The following RHBDF1 variants were observed in gnomAD, a reference collection of about 807,000 sequenced individuals.
RHBDF1 encodes the protein inactive rhomboid protein 1.
A neutral mutation model predicts 98.6 loss-of-function variants in RHBDF1; 80 were observed. The observed-to-expected ratio is 0.81, with a 90% CI of 0.68 to 0.98. The LOEUF (loss-of-function observed/expected upper bound fraction) is 0.98, where lower values mean the gene tolerates loss of function less well. Ranked by LOEUF, RHBDF1 falls within the 50% of genes least tolerant of loss-of-function variation. The probability of loss-of-function intolerance (pLI) is 0.00; values close to 1 mark genes in which losing one functional copy is unlikely to be tolerated. For missense variants in RHBDF1, 1,116 were observed against 1,198.3 expected (o/e 0.93, Z 1.01); for synonymous variants, 512 against 486.8 (o/e 1.05, Z -0.68).
In RHBDF1 at chr16:61,453, G is replaced by A. The variant is rs573506725; in HGVS notation, c.1327C>T (p.Arg443Trp). 4 of 1,612,404 alleles carry A rather than the reference G, an allele frequency of 2.5e-6. No homozygotes were observed. The highest frequency in any genetic ancestry group is 2.2e-5 in the East Asian group (1 of 44,864). The change falls in exon 10 of 18, where the codon CGG becomes TGG. Residue 443 changes from arginine (R) to tryptophan (W), a missense_variant. Transcript: ENST00000262316. The stretch of plus-strand genomic sequence containing the variant: ...ACGTTCTCGTAGACCCCGCGGTTCC[G>A]CAGCACCTGGGAGGTTGGGGAGCGG... ...SQHETVDSVL[R>W]NRGVYENVKY...
Position 61,365 on chromosome 16 carries a change from GC to G in RHBDF1, c.1395+19del. The G allele has an allele frequency of 1.8e-6, 2 of 1,130,830 alleles. No individual in the cohort carries two copies. The highest frequency in any genetic ancestry group is 2.5e-6 in the Non-Finnish European group (2 of 804,712). The allele number at this position is 1,130,830 out of a possible 1,614,324, so 70.0% of individuals were successfully genotyped here. On this transcript the variant is annotated intron_variant, in intron 10 of 17. Transcript: ENST00000262316. The stretch of plus-strand genomic sequence containing the variant: ...TCCAGGTCCCGCCCCCGCCGGCCCC[GC>G]CCCCAGCCCCGTCCTCACCGAGCTG...
chr16:64,963 G>C lies in RHBDF1; in HGVS notation c.53C>G (p.Pro18Arg). The C allele has an allele frequency of 2.4e-5, 38 of 1,566,434 alleles. No individual in the cohort carries two copies. Among genetic ancestry groups the C allele is most frequent in the Non-Finnish European group, 3.2e-5 (37 of 1,152,912 alleles). Residue 18 changes from proline to arginine, a missense_variant, in exon 2 of 18, where the codon CCC becomes CGC. Transcript: ENST00000262316. ...STSSLQRKKP[P>R]WLKLDIPSAV... ...AGAGGGAATGTCCAGCTTTAGCCAGGGTGGCTTCTTGCGCTGCAGGCTGCT... is the reference window on the plus strand; with the variant it reads ...AGAGGGAATGTCCAGCTTTAGCCAGCGTGGCTTCTTGCGCTGCAGGCTGCT...
At chr16:60,951 G>C (rs1024853057) in intron 11 of RHBDF1, 169 bp downstream of exon 11, 1 of 694,492 alleles carries the variant, frequency 1.4e-6, no homozygotes, top group Admixed American at 3.2e-5. Context: ...AGGAGCTGGA[G>C]ATGGGGGAGG....
Position 64,795 on chromosome 16 carries a change from C to G in RHBDF1, c.152G>C (p.Ser51Thr), listed in dbSNP as rs1281763531. 1 of 1,613,970 alleles carries G rather than the reference C, an allele frequency of 6.2e-7. No individual in the cohort carries two copies. Among genetic ancestry groups the G allele is most frequent in the Admixed American group, 1.7e-5 (1 of 59,998 alleles). The change falls in exon 3 of 18, where the codon AGT (serine) becomes ACT (threonine). Residue 51 changes from serine (S) to threonine (T), a missense_variant. Ser to Thr is a moderately conservative substitution (Grantham distance 58). Transcript: ENST00000262316. ...LRRQAFLRSV[S>T]MPAETAHISS... ...GATGTGGGCTGTCTCGGCTGGCATA[C>G]TCACACTCCTCAGGAAAGCCTGTCG...
Position 62,781 on chromosome 16 carries a change from AAAG to A in RHBDF1, c.786_788del (p.Phe263del). 1.9e-6 allele frequency: 3 copies of A among 1,614,072 alleles called. No homozygotes were observed. The highest frequency in any genetic ancestry group is 1.3e-5 in the African/African-American group (1 of 75,056). ...CACCCCGGGCACTTCTTACCCGGGC[AAAG>A]AAGGATGTGTCCAGCTCATCGGGGA... On this transcript the variant is annotated inframe_deletion, in exon 6 of 18. Coordinates refer to ENST00000262316, the MANE Select transcript of RHBDF1 (RefSeq NM_022450.5).
In RHBDF1 at chr16:64,881, C is replaced by G; in HGVS notation, c.117+18G>C. The stretch of plus-strand genomic sequence containing the variant: ...ACTGGACAGGGGGCACCCACAGTCC[C>G]TGCAGGCCAGGGCCTACCTGCAGGA... On this transcript the variant is annotated intron_variant, in intron 2 of 17. Transcript: ENST00000262316. The G allele has an allele frequency of 6.2e-7, 1 of 1,613,752 alleles. No homozygotes were observed. Among genetic ancestry groups the G allele is most frequent in the Admixed American group, 1.7e-5 (1 of 60,006 alleles).
Position 59,301 on chromosome 16 carries a change from C to A in RHBDF1, c.1942G>T (p.Glu648Ter). The A allele has an allele frequency of 6.2e-7, 1 of 1,611,640 alleles. No individual in the cohort carries two copies. The highest frequency in any genetic ancestry group is 8.5e-7 in the Non-Finnish European group (1 of 1,178,772). Residue 648 changes from glutamate (E) to a stop codon, truncating the protein, a stop_gained, in exon 16 of 18, where the codon GAG (glutamate) becomes TAG (stop). Coordinates refer to ENST00000262316, the MANE Select transcript of RHBDF1 (RefSeq NM_022450.5). LOFTEE classifies it high-confidence loss of function. Reference sequence around the variant, plus strand: ...AGGCGGTAGAACTGGTCAGGCACCTCGGGGTTGAGAAAAGGCAGGAGCCCA... The same window carrying A: ...AGGCGGTAGAACTGGTCAGGCACCTAGGGGTTGAGAAAAGGCAGGAGCCCA... ...VCGLLPFLNP[E>*]VPDQFYRLWL...
Position 58,756 on chromosome 16 carries a change from C to A in RHBDF1, c.2152G>T (p.Gly718Cys). ...ATGCCGAACTGGGAGCCAGCAGGAC[C>A]CACCTGGGGGATGGTTGGGGTAGCT... ...AIFLPYRAEV[G>C]PAGSQFGILA... The change falls in exon 18 of 18, where the codon GGT (glycine) becomes TGT (cysteine). Residue 718 changes from glycine (G) to cysteine (C), a missense_variant. Physicochemically the swap from Gly to Cys is radical, Grantham distance 159 (BLOSUM62 -3). Transcript: ENST00000262316. The A allele has an allele frequency of 6.2e-7, 1 of 1,611,892 alleles. No homozygotes were observed. Among genetic ancestry groups the A allele is most frequent in the South Asian group, 1.1e-5 (1 of 90,996 alleles).
At chr16:68,527 A>T (rs1197615939) in intron 1 of RHBDF1, among the ~76,000 whole-genome samples, 1 of 152,168 alleles carries the variant, frequency 6.6e-6, no homozygotes, top group Non-Finnish European at 1.5e-5. Context: ...GTATGGGGAA[A>T]CCGTGGCCCA....
intron 11 of RHBDF1, 24 bp downstream of exon 11, chr16:61,096 G>T: frequency 6.6e-7 from 1 of 1,515,532 alleles, no homozygotes; most frequent in Non-Finnish European, 8.8e-7. Flanking sequence ...GACGAAGGCG[G>T]GAGTCCCGGG....
At chr16:69,906 C>T (rs1385317782) in intron 1 of RHBDF1, among the ~76,000 whole-genome samples, 1 of 151,734 alleles carries the variant, frequency 6.6e-6, no homozygotes, top group African/African-American at 2.4e-5. Context: ...AGGTTCCCTG[C>T]TACAGGCCAT....
intron 1 of RHBDF1, among the ~76,000 whole-genome samples, chr16:68,202 G>A (rs1273077101): frequency 1.3e-5 from 2 of 152,234 alleles, no homozygotes; most frequent in Non-Finnish European, 2.9e-5. Flanking sequence ...GTGCAGGCAG[G>A]AGGGGACCTG....
rs545583467 is a variant in RHBDF1, at chr16:63,512, G to C, written c.462+75C>G. The stretch of plus-strand genomic sequence containing the variant: ...CTCCCAGAGAGTCCCTTCTGCTCAG[G>C]CTGGCTGTGTCCGCAGCCCCAGCCC... On this transcript the variant is annotated intron_variant, in intron 4 of 17. Transcript: ENST00000262316. 1.0e-4 allele frequency: 132 copies of C among 1,279,592 alleles called. No homozygotes were observed. In the African/African-American group the frequency reaches 1.9e-3, roughly 18 times the overall value. The allele number at this position is 1,279,592 out of a possible 1,614,324, so 79.3% of individuals were successfully genotyped here.
intron 1 of RHBDF1, among the ~76,000 whole-genome samples, chr16:71,380 G>A (rs1042786477): frequency 3.9e-5 from 6 of 152,190 alleles, no homozygotes; most frequent in South Asian, 2.1e-4. Context: ...AGGGGGCTCC[G>A]CCTCAGGGAC....
intron 10 of RHBDF1, 38 bp downstream of exon 10, chr16:61,347 C>T: frequency 6.5e-7 from 1 of 1,544,084 alleles, no homozygotes; most frequent in Non-Finnish European, 8.7e-7. Context: ...ACCTCCAGGT[C>T]CCGCCCCCGC....
Position 61,622 on chromosome 16 carries a change from G to A in RHBDF1, c.1283C>T (p.Ala428Val). The change falls in exon 9 of 18, where the codon GCG becomes GTG. Residue 428 changes from alanine (A) to valine (V), a missense_variant. By Grantham distance (64) the Ala-to-Val change is moderately conservative (BLOSUM62 0). Transcript: ENST00000262316. ...CTCATGCTGCGAGAAGCCCACGGGC[G>A]CGATGCCATAGATGCACACGGCTAG... ...TILAVCIYGI[A>V]PVGFSQHETV... 1.2e-6 allele frequency: 2 copies of A among 1,613,476 alleles called. No individual in the cohort carries two copies. The highest frequency in any genetic ancestry group is 1.7e-6 in the Non-Finnish European group (2 of 1,179,912).
In RHBDF1 at chr16:58,622, C is replaced by T. The variant is rs182673087; in HGVS notation, c.2286G>A (p.Gly762=). 1 of 1,613,562 alleles carries T rather than the reference C, an allele frequency of 6.2e-7. No homozygotes were observed. Among genetic ancestry groups the T allele is most frequent in the East Asian group, 2.2e-5 (1 of 44,888 alleles). Residue 762 remains glycine (G), a synonymous_variant, in exon 18 of 18, where the codon GGG becomes GGA. Transcript: ENST00000262316. ...LAVVLFLFTF[G]LLPWIDNFAH... ...CAAAGTTGTCAATCCACGGCAGCAG[C>T]CCAAAGGTGAAGAGGAAGAGCACCA...
At chr16:65,634 A>G (rs1164262491) in intron 1 of RHBDF1, among the ~76,000 whole-genome samples, 1 of 152,120 alleles carries the variant, frequency 6.6e-6, no homozygotes, top group African/African-American at 2.4e-5. Flanking sequence ...CACCTGTCTT[A>G]CCAGGCCTCA....
chr16:59,704 A>G (rs776746880), intron 14 of RHBDF1, 28 bp downstream of exon 14: 2 of 1,611,884 alleles, frequency 1.2e-6, no homozygotes, highest in Non-Finnish European at 1.7e-6. Flanking sequence ...CCCAGAGACC[A>G]GCTGCACTCG....
Sources: allele counts gnomAD v4.1 joint callset (sites outside exome capture counted in the v4.1 genomes callset), GRCh38; gene constraint gnomAD v4.1.1; transcripts MANE v1.5; gene names NCBI Gene and HGNC (gene_info 2026-07-23, HGNC 2026-07-21).